Variants in ABI2 observed in about 807,000 individuals in gnomAD.
The protein encoded by ABI2 is abelson interactor 2.
A neutral mutation model predicts 59.2 loss-of-function variants in ABI2; 25 were observed. That is an observed-to-expected ratio of 0.42 (90% confidence interval 0.31 to 0.59). The LOEUF (loss-of-function observed/expected upper bound fraction) is 0.59. ABI2 is among the 20% of genes least tolerant of loss of function. The pLI is 0.14. For synonymous variants in ABI2, 213 were observed against 235.5 expected (o/e 0.90, Z 0.87); for missense variants, 545 against 681.8 (o/e 0.80, Z 2.23).
chr2:203,366,943 G>T lies in ABI2; in HGVS notation c.184G>T (p.Ala62Ser). The T allele has an allele frequency of 6.2e-7, 1 of 1,613,484 alleles. No individual in the cohort carries two copies. The highest frequency in any genetic ancestry group is 8.5e-7 in the Non-Finnish European group (1 of 1,179,710). Residue 62 changes from alanine (A) to serine (S), a missense_variant, in exon 2 of 12, where the codon GCC becomes TCC. Ala to Ser is a moderately conservative substitution (Grantham distance 99). Transcript: ENST00000261018. Reference sequence around the variant, plus strand: ...CACCACCCAATCCTTAGCAAGTGTTGCCTATCTGATAAACACCTTGGCCAA... The same window carrying T: ...CACCACCCAATCCTTAGCAAGTGTTTCCTATCTGATAAACACCTTGGCCAA... ...AYTTQSLASV[A>S]YLINTLANNV... is the part of the protein sequence containing the mutation.
At chr2:203,424,081 C>T (rs1385145353) in intron 11 of ABI2, among the ~76,000 whole-genome samples, 5 of 152,132 alleles carry the variant, frequency 3.3e-5, no homozygotes, top group Non-Finnish European at 5.9e-5. Context: ...TGATACTATG[C>T]GTGATATACA....
intron 1 of ABI2, among the ~76,000 whole-genome samples, chr2:203,358,109 GTGTGTT>G (rs749470310): frequency 0.057 from 8,185 of 143,594 alleles, 229 homozygotes; most frequent in Non-Finnish European, 0.078. Context: ...GTGTGTGTGT[GTGTGTT>G]TGTTTGTTTG....
intron 4 of ABI2, among the ~76,000 whole-genome samples, chr2:203,389,364 A>G (rs2096654907): frequency 6.6e-6 from 1 of 152,208 alleles, no homozygotes; most frequent in Non-Finnish European, 1.5e-5. Flanking sequence ...GATTGTTTTA[A>G]CATCACACAC....
chr2:203,355,721 C>T (rs1423124151), intron 1 of ABI2, among the ~76,000 whole-genome samples: 2 of 150,570 alleles, frequency 1.3e-5, no homozygotes, highest in Non-Finnish European at 3.0e-5. Context: ...ATCCCAGCTA[C>T]TCGGGAGGCT....
chr2:203,412,230 GT>G (rs776052531), intron 10 of ABI2, among the ~76,000 whole-genome samples: 1 of 152,182 alleles, frequency 6.6e-6, no homozygotes, highest in Non-Finnish European at 1.5e-5. Context: ...GGCACTGCCA[GT>G]ACTAGAATGT....
chr2:203,333,960 A>G (rs1003252847), intron 1 of ABI2, among the ~76,000 whole-genome samples: 2 of 128,448 alleles, frequency 1.6e-5, no homozygotes, highest in African/African-American at 6.2e-5. Context: ...TTTTTTTTTG[A>G]GATGGAGTCT....
chr2:203,345,074 T>C (rs1011245651), intron 1 of ABI2, among the ~76,000 whole-genome samples: 4 of 152,202 alleles, frequency 2.6e-5, no homozygotes, highest in East Asian at 1.9e-4. Context: ...TCTTCCATGC[T>C]GTGGAAGCTT....
intron 8 of ABI2, among the ~76,000 whole-genome samples, chr2:203,398,341 C>T (rs962323817): frequency 6.6e-6 from 1 of 152,034 alleles, no homozygotes; most frequent in African/African-American, 2.4e-5. Context: ...ACAAATCACC[C>T]CCAACTGAGA....
At chr2:203,422,321 A>G (rs895424076) in intron 11 of ABI2, among the ~76,000 whole-genome samples, 1 of 152,154 alleles carries the variant, frequency 6.6e-6, no homozygotes, top group Non-Finnish European at 1.5e-5. Context: ...GAGTCCCTAT[A>G]AACTGTCTGC....
chr2:203,381,633 A>G (rs990336545), intron 3 of ABI2, among the ~76,000 whole-genome samples: 1 of 152,290 alleles, frequency 6.6e-6, no homozygotes, highest in African/African-American at 2.4e-5. Flanking sequence ...TTAAAATAAG[A>G]TGTGTAATTG....
rs10581610 is a variant in ABI2 at position 203,400,079 on chromosome 2, C to CTT, written c.1034-2470_1034-2469dup. 3.9e-3 allele frequency among the ~76,000 whole-genome samples: 232 copies of CTT among 59,546 alleles called. 42 individuals are homozygous for CTT. The highest frequency in any genetic ancestry group is 0.011 in the African/African-American group (156 of 13,566). The allele number at this position is 59,546 out of a possible 152,430, so 39.1% of individuals were successfully genotyped here. A position where few individuals can be genotyped will look rare whatever the true frequency, so the allele number is the denominator to read the frequency against. On this transcript the variant is annotated intron_variant, in intron 8 of 11. Coordinates refer to ENST00000261018, the MANE Select transcript of ABI2 (RefSeq NM_001375670.1). ...GACTCATTAATAGTGTGAATAGTGT[C>CTT]TTTTTTTTTTTTTTTTTTTTTTTTT...
rs1016128898 is a variant in ABI2 at position 203,411,209 on chromosome 2, T to A, written c.1193-76T>A. 18 of 1,134,314 alleles carry A rather than the reference T, an allele frequency of 1.6e-5. No individual in the cohort carries two copies. In the Admixed American group the frequency reaches 3.1e-4, roughly 20 times the overall value. 70.3% of individuals were successfully genotyped at this position (1,134,314 alleles called of 1,614,324 possible). The stretch of plus-strand genomic sequence containing the variant: ...GTAGTTTCCCTCCTTTATGTGTTTA[T>A]TTTATTGTATTATCCTTTCCTTTTA... On this transcript the variant is annotated intron_variant, in intron 9 of 11. Coordinates refer to ENST00000261018, the MANE Select transcript of ABI2 (RefSeq NM_001375670.1).
chr2:203,376,159 C>T (rs752949043), intron 2 of ABI2: 29 of 1,482,632 alleles, frequency 2.0e-5, no homozygotes, highest in Non-Finnish European at 2.6e-5. Flanking sequence ...TTAGTCCTTC[C>T]TCTATAGATC....
chr2:203,333,536 A>G (rs1384182932), intron 1 of ABI2, among the ~76,000 whole-genome samples: 1 of 152,208 alleles, frequency 6.6e-6, no homozygotes. Context: ...GAGACTGAGT[A>G]GAATTTGGGA....
intron 1 of ABI2, among the ~76,000 whole-genome samples, chr2:203,348,271 G>A (rs1001992836): frequency 6.6e-6 from 1 of 152,108 alleles, no homozygotes; most frequent in Non-Finnish European, 1.5e-5. Context: ...GAAAATAAAT[G>A]TAATAAAGGT....
chr2:203,423,701 G>A (rs1420220128), intron 11 of ABI2, among the ~76,000 whole-genome samples: 2 of 152,152 alleles, frequency 1.3e-5, no homozygotes, highest in African/African-American at 2.4e-5. Flanking sequence ...GATTACAGGC[G>A]TGAGCCACCG....
intron 5 of ABI2, among the ~76,000 whole-genome samples, chr2:203,394,126 A>G (rs2096878852): frequency 6.6e-6 from 1 of 152,226 alleles, no homozygotes; most frequent in Non-Finnish European, 1.5e-5. Context: ...TGAGGGAGAA[A>G]GTGAGAACGG....
chr2:203,416,907 G>A lies in ABI2; in HGVS notation c.1280-1G>A. Reference sequence around the variant, plus strand: ...TTGTTGTCAGCCTGATACGTTCTTAGTTTCAGATACACCACCTCCACCGCC... The same window carrying A: ...TTGTTGTCAGCCTGATACGTTCTTAATTTCAGATACACCACCTCCACCGCC... On this transcript the variant is annotated splice_acceptor_variant, in intron 10 of 11. Coordinates refer to ENST00000261018, the MANE Select transcript of ABI2 (RefSeq NM_001375670.1). LOFTEE classifies it high-confidence loss of function. The A allele has an allele frequency of 6.2e-7, 1 of 1,609,700 alleles. No homozygotes were observed. Among genetic ancestry groups the A allele is most frequent in the Non-Finnish European group, 8.5e-7 (1 of 1,177,880 alleles).
At chr2:203,412,308 G>C (rs192465140) in intron 10 of ABI2, among the ~76,000 whole-genome samples, 1 of 152,234 alleles carries the variant, frequency 6.6e-6, no homozygotes, top group Non-Finnish European at 1.5e-5. Flanking sequence ...ACTTGGAAAA[G>C]CATCTGACAC....
Sources: allele counts gnomAD v4.1 joint callset (sites outside exome capture counted in the v4.1 genomes callset), GRCh38; gene constraint gnomAD v4.1.1; transcripts MANE v1.5; gene names NCBI Gene and HGNC (gene_info 2026-07-23, HGNC 2026-07-21).